The following LDLRAD4 variants were observed in gnomAD, a reference collection of about 807,000 sequenced individuals.
The protein encoded by LDLRAD4 is low density lipoprotein receptor class A domain containing 4.
A neutral mutation model predicts 17.0 loss-of-function variants in LDLRAD4; 5 were observed. The ratio of observed to expected loss-of-function variants is 0.29; its 90% CI spans 0.15 to 0.62. The LOEUF is 0.62. LDLRAD4 is among the 20% of genes least tolerant of loss of function. LDLRAD4 has a pLI of 0.84. For synonymous variants in LDLRAD4, 168 were observed against 171.8 expected (o/e 0.98, Z 0.17); for missense variants, 340 against 424.7 (o/e 0.80, Z 1.75).
At chr18:13,330,218 C>T (rs2081780304) in intron 1 of LDLRAD4, among the ~76,000 whole-genome samples, 1 of 152,174 alleles carries the variant, frequency 6.6e-6, no homozygotes, top group South Asian at 2.1e-4. Flanking sequence ...CTTGGCCTCC[C>T]AAAGTGCTGC....
chr18:13,367,348 T>G lies in LDLRAD4; in HGVS notation c.-382-19993T>G, dbSNP rs2084132508. Among the ~76,000 whole-genome samples the G allele has an allele frequency of 6.6e-6, 1 of 151,438 alleles. No homozygotes were observed. The highest frequency in any genetic ancestry group is 1.9e-4 in the East Asian group (1 of 5,148). ...AGGTGGGGCAGAGGGGCCTGGGAGATGAGGTCCCGCTGTGCAGAACACACG... is the reference window on the plus strand; with the variant it reads ...AGGTGGGGCAGAGGGGCCTGGGAGAGGAGGTCCCGCTGTGCAGAACACACG... On this transcript the variant is annotated intron_variant, in intron 1 of 5. Transcript: ENST00000359446. This position sits in a 1 kb window ranked among gnomAD's most constrained non-coding sequence, Gnocchi z 4.1.
chr18:13,564,023 A>G (rs2094567880), intron 3 of LDLRAD4, among the ~76,000 whole-genome samples: 1 of 152,114 alleles, frequency 6.6e-6, no homozygotes, highest in African/African-American at 2.4e-5. Flanking sequence ...CTCCCAACCC[A>G]GCCTCCCAAA....
At chr18:13,299,691 A>G (rs1481758764) in intron 1 of LDLRAD4, among the ~76,000 whole-genome samples, 1 of 152,102 alleles carries the variant, frequency 6.6e-6, no homozygotes, top group East Asian at 1.9e-4. Flanking sequence ...AAAAATAGAA[A>G]TTTAGTCAGG....
intron 2 of LDLRAD4, among the ~76,000 whole-genome samples, chr18:13,432,184 A>G (rs984158132): frequency 1.3e-5 from 2 of 152,218 alleles, no homozygotes; most frequent in African/African-American, 2.4e-5. Flanking sequence ...CCATGCTGTC[A>G]GTTCCCATGC....
intron 3 of LDLRAD4, among the ~76,000 whole-genome samples, chr18:13,494,928 G>A (rs990196338): frequency 1.3e-5 from 2 of 151,420 alleles, no homozygotes; most frequent in Non-Finnish European, 1.5e-5. Flanking sequence ...GGAACCGAAC[G>A]GGCTCATATT....
chr18:13,350,862 C>T (rs2144384177), intron 1 of LDLRAD4, among the ~76,000 whole-genome samples: 1 of 152,254 alleles, frequency 6.6e-6, no homozygotes, highest in South Asian at 2.1e-4. Flanking sequence ...AGCCAGTTTT[C>T]CCAGCTCCAT....
chr18:13,499,932 A>T (rs2093584584), intron 3 of LDLRAD4, among the ~76,000 whole-genome samples: 1 of 152,150 alleles, frequency 6.6e-6, no homozygotes, highest in Admixed American at 6.5e-5. Flanking sequence ...CACTGTCCTA[A>T]TGACAAAAGA....
intron 1 of LDLRAD4, among the ~76,000 whole-genome samples, chr18:13,348,285 C>T (rs1187530095): frequency 6.6e-6 from 1 of 152,164 alleles, no homozygotes; most frequent in Non-Finnish European, 1.5e-5. Context: ...AGTTTTCCTT[C>T]TAATAGTCAG....
chr18:13,219,280 C>T (rs1372933424), intron 1 of LDLRAD4, among the ~76,000 whole-genome samples: 2 of 152,092 alleles, frequency 1.3e-5, no homozygotes, highest in Non-Finnish European at 2.9e-5. Context: ...CTTAGCTCTG[C>T]CCAGGCACAG....
chr18:13,421,062 A>G (rs2089400608), intron 2 of LDLRAD4: 1 of 152,254 alleles, frequency 6.6e-6, no homozygotes, highest in Non-Finnish European at 1.5e-5. Flanking sequence ...CCTTAAAAGC[A>G]GGGAGAACAT....
At chr18:13,646,353 C>T (rs2043015366) in exon 6 of LDLRAD4, 1 of 152,622 alleles carries the variant, frequency 6.6e-6, no homozygotes, top group Non-Finnish European at 1.5e-5. Context: ...GAGTGGTCCC[C>T]AGAAGCATCC....
intron 3 of LDLRAD4, among the ~76,000 whole-genome samples, chr18:13,539,336 A>T (rs954349843): frequency 6.6e-6 from 1 of 152,190 alleles, no homozygotes; most frequent in Admixed American, 6.5e-5. Context: ...TATTCAGGTA[A>T]TTGCTCAGTC....
intron 1 of LDLRAD4, among the ~76,000 whole-genome samples, chr18:13,386,616 C>T (rs531931339): frequency 7.2e-5 from 11 of 152,246 alleles, no homozygotes; most frequent in East Asian, 1.9e-4. Context: ...GTGATCCTCC[C>T]GCCTCGGCCT....
intron 4 of LDLRAD4, among the ~76,000 whole-genome samples, chr18:13,632,640 C>T (rs1475454254): frequency 6.6e-6 from 1 of 152,342 alleles, no homozygotes; most frequent in African/African-American, 2.4e-5. Context: ...GCTCTTCTTT[C>T]CTTCTTGTCC....
At chr18:13,545,855 G>C (rs892400650) in intron 3 of LDLRAD4, among the ~76,000 whole-genome samples, 2 of 152,224 alleles carry the variant, frequency 1.3e-5, no homozygotes, top group Non-Finnish European at 2.9e-5. Context: ...GGGCAGGATG[G>C]AGGCTGGGAA....
At chr18:13,257,150 G>A (rs1054197349) in intron 1 of LDLRAD4, among the ~76,000 whole-genome samples, 11 of 152,228 alleles carry the variant, frequency 7.2e-5, no homozygotes, top group South Asian at 4.1e-4. Context: ...CGGGACAGAC[G>A]TGCACAGCCT....
chr18:13,436,875 C>T (rs565695050), intron 2 of LDLRAD4, among the ~76,000 whole-genome samples: 4 of 152,210 alleles, frequency 2.6e-5, no homozygotes, highest in East Asian at 1.9e-4. Context: ...GTCAGCAGCT[C>T]GGCTGGTTTC....
At chr18:13,230,134 G>C (rs1279296941) in intron 1 of LDLRAD4, among the ~76,000 whole-genome samples, 1 of 152,182 alleles carries the variant, frequency 6.6e-6, no homozygotes, top group Non-Finnish European at 1.5e-5. Context: ...GGAGGAGCTT[G>C]TTCACCCCTT....
Position 13,237,962 on chromosome 18 carries a change from C to T in LDLRAD4, c.-467+18974C>T, listed in dbSNP as rs186676363. ...AGTCTGGTGGCCTCCTGGATGCCCA[C>T]CCTGGTTCTTAAGGTCAATGTGTCT... is the stretch of plus-strand genomic sequence containing the variant. On this transcript the variant is annotated intron_variant, in intron 1 of 5. Coordinates refer to the LDLRAD4 transcript ENST00000399848. Among the ~76,000 whole-genome samples the T allele has an allele frequency of 1.1e-4, 17 of 152,218 alleles. No individual in the cohort carries two copies. The East Asian group carries it at 3.3e-3, about 29-fold the overall frequency.
Sources: allele counts gnomAD v4.1 joint callset (sites outside exome capture counted in the v4.1 genomes callset), GRCh38; gene constraint gnomAD v4.1.1; non-coding constraint Gnocchi (gnomAD v3.1); transcripts MANE v1.5; gene names NCBI Gene and HGNC (gene_info 2026-07-23, HGNC 2026-07-21).